Variants in PHF20 observed in about 807,000 individuals in gnomAD.
The protein encoded by PHF20 is glioma-expressed antigen 2.
Under a neutral mutation model 113.5 loss-of-function variants are expected in PHF20, and 23 were observed. The ratio of observed to expected loss-of-function variants is 0.20; its 90% CI spans 0.15 to 0.29. The LOEUF (loss-of-function observed/expected upper bound fraction) is 0.29. PHF20 is among the 10% of genes least tolerant of loss of function. The pLI is 1.00. For synonymous variants in PHF20, 434 were observed against 457.3 expected (o/e 0.95, Z 0.65); for missense variants, 943 against 1,219.6 (o/e 0.77, Z 3.38).
At chr20:35,870,212 A>G (rs974758337) in intron 7 of PHF20, among the ~76,000 whole-genome samples, 4 of 150,464 alleles carry the variant, frequency 2.7e-5, no homozygotes, top group Admixed American at 2.6e-4. Flanking sequence ...GCTGAGGCAG[A>G]AGAATGGCAT....
At chr20:35,818,143 C>T (rs1374094832) in intron 2 of PHF20, among the ~76,000 whole-genome samples, 3 of 151,760 alleles carry the variant, frequency 2.0e-5, no homozygotes, top group Admixed American at 6.6e-5. Flanking sequence ...AAAAATTAGG[C>T]GCATGCCTGT....
chr20:35,820,786 T>C (rs560737832), intron 2 of PHF20, among the ~76,000 whole-genome samples: 2 of 151,962 alleles, frequency 1.3e-5, no homozygotes, highest in South Asian at 4.2e-4. Flanking sequence ...TGCCTCTATG[T>C]GTGTATGTGT....
chr20:35,797,019 T>A (rs2041679005), intron 1 of PHF20, among the ~76,000 whole-genome samples: 1 of 152,132 alleles, frequency 6.6e-6, no homozygotes, highest in African/African-American at 2.4e-5. Context: ...GCAGGTTTTT[T>A]TTTGGATTTT....
At chr20:35,795,963 G>GC (rs2041658205) in intron 1 of PHF20, among the ~76,000 whole-genome samples, 2 of 152,144 alleles carry the variant, frequency 1.3e-5, no homozygotes, top group South Asian at 4.1e-4. Context: ...TGATTGTTCT[G>GC]CCTCAGCCTC....
At chr20:35,789,579 C>T (rs1220501682) in intron 1 of PHF20, among the ~76,000 whole-genome samples, 1 of 152,018 alleles carries the variant, frequency 6.6e-6, no homozygotes, top group Non-Finnish European at 1.5e-5. Flanking sequence ...CGCAGTCTTG[C>T]TCTGTCTTCC....
At chr20:35,816,121 C>T (rs1273387895) in intron 2 of PHF20, among the ~76,000 whole-genome samples, 6 of 151,374 alleles carry the variant, frequency 4.0e-5, no homozygotes, top group South Asian at 2.1e-4. Flanking sequence ...CATGCCCAGC[C>T]GATTTTTGTA....
chr20:35,915,115 G>A (rs1165052421), intron 12 of PHF20, among the ~76,000 whole-genome samples: 2 of 148,118 alleles, frequency 1.4e-5, no homozygotes, highest in African/African-American at 5.0e-5. Context: ...ACCTAATATG[G>A]GCCCTGGAAG....
chr20:35,870,705 T>C (rs938366924), intron 7 of PHF20, among the ~76,000 whole-genome samples: 8 of 151,890 alleles, frequency 5.3e-5, no homozygotes, highest in African/African-American at 1.9e-4. Flanking sequence ...GTTGTCAAGA[T>C]TCGGACATGA....
intron 4 of PHF20, among the ~76,000 whole-genome samples, chr20:35,850,300 T>TTTTTTTTTG (rs1275577444): frequency 0.024 from 2,380 of 98,556 alleles, 110 homozygotes; most frequent in African/African-American, 0.058. Context: ...CCCTCCGTTT[T>TTTTTTTTTG]TTTTTTTTTT....
intron 10 of PHF20, among the ~76,000 whole-genome samples, chr20:35,907,750 T>C (rs1011920125): frequency 6.6e-6 from 1 of 152,254 alleles, no homozygotes; most frequent in Non-Finnish European, 1.5e-5. Context: ...ACTTGGTTTA[T>C]GGCCAAGCAT....
At chr20:35,806,935 A>G (rs571560751) in intron 2 of PHF20, among the ~76,000 whole-genome samples, 1 of 151,816 alleles carries the variant, frequency 6.6e-6, no homozygotes, top group South Asian at 2.1e-4. Flanking sequence ...AGCTGGGACT[A>G]CAGGTGCCTG....
chr20:35,889,424 C>T (rs1242064056), intron 9 of PHF20, among the ~76,000 whole-genome samples: 1 of 151,682 alleles, frequency 6.6e-6, no homozygotes, highest in Non-Finnish European at 1.5e-5. Context: ...TGCAGTGGCA[C>T]AATCTCAGCT....
At chr20:35,873,466 G>GTTTT (rs759056358) in intron 9 of PHF20, among the ~76,000 whole-genome samples, 3 of 82,354 alleles carry the variant, frequency 3.6e-5, no homozygotes, top group East Asian at 3.4e-4. Flanking sequence ...CTGTTTTTTT[G>GTTTT]TTTTTTTTTT....
intron 6 of PHF20, among the ~76,000 whole-genome samples, chr20:35,865,007 G>A (rs2054289255): frequency 6.6e-6 from 1 of 152,000 alleles, no homozygotes; most frequent in Non-Finnish European, 1.5e-5. Context: ...CCAACATGGT[G>A]AAACCCCGTC....
At chr20:35,846,212 CTG>C (rs2042620980) in intron 3 of PHF20, among the ~76,000 whole-genome samples, 1 of 150,068 alleles carries the variant, frequency 6.7e-6, no homozygotes, top group African/African-American at 2.5e-5. Flanking sequence ...CAGAGTCTCA[CTG>C]TATCACCCAG....
At chr20:35,779,140 A>G (rs1328917640) in intron 1 of PHF20, among the ~76,000 whole-genome samples, 1 of 151,426 alleles carries the variant, frequency 6.6e-6, no homozygotes, top group African/African-American at 2.4e-5. Context: ...GATTCAAGTG[A>G]TTCTCCTGCT....
chr20:35,855,591 T>G (rs1359861649), intron 4 of PHF20: 2 of 152,482 alleles, frequency 1.3e-5, no homozygotes, highest in Middle Eastern at 3.4e-3. Flanking sequence ...TGTGTAATAA[T>G]CACATCAGGG....
At chr20:35,856,249 T>C (rs2042825436) in intron 4 of PHF20, 1 of 152,208 alleles carries the variant, frequency 6.6e-6, no homozygotes, top group Admixed American at 6.5e-5. Flanking sequence ...CATGTATTGG[T>C]GACACCTGTG....
At chr20:35,786,564 T>C (rs1158828610) in intron 1 of PHF20, among the ~76,000 whole-genome samples, 2 of 151,902 alleles carry the variant, frequency 1.3e-5, no homozygotes, top group Non-Finnish European at 2.9e-5. Context: ...TAGCCCAGTT[T>C]GGTGGTGCAC....
Sources: gnomAD v4.1 joint callset for allele counts (sites outside exome capture counted in the v4.1 genomes callset) on GRCh38, gnomAD v4.1.1 for gene constraint, MANE v1.5 for transcripts, NCBI Gene and HGNC (gene_info 2026-07-23, HGNC 2026-07-21) for gene names.